Variants in COMMD1 observed in about 807,000 individuals in gnomAD.
COMMD1 encodes the protein COMM domain-containing protein 1.
A neutral mutation model predicts 17.2 loss-of-function variants in COMMD1; 10 were observed. The observed-to-expected ratio is 0.58, with a 90% CI of 0.36 to 0.99. COMMD1 has a LOEUF of 0.99. Among genes scored for constraint, COMMD1 ranks in the 50% least tolerant of loss-of-function variants. The pLI is 0.01. For synonymous variants in COMMD1, 97 were observed against 91.6 expected (o/e 1.06, Z -0.34); for missense variants, 270 against 231.8 (o/e 1.17, Z -1.07).
upstream of COMMD1, among the ~76,000 whole-genome samples, chr2:61,902,968 C>A (rs1219106254): frequency 6.6e-6 from 1 of 152,098 alleles, no homozygotes; most frequent in Non-Finnish European, 1.5e-5. Flanking sequence ...GCTTTTTCTG[C>A]TTGCCACCTT....
At chr2:62,012,258 A>AACACACACAC (rs1302194313) in intron 2 of COMMD1, among the ~76,000 whole-genome samples, 3 of 102,294 alleles carry the variant, frequency 2.9e-5, no homozygotes, top group African/African-American at 1.2e-4. Context: ...CCTTGTCTCA[A>AACACACACAC]ACACACACAC....
At chr2:62,054,409 G>T (rs181843773) in intron 2 of COMMD1, among the ~76,000 whole-genome samples, 20 of 152,304 alleles carry the variant, frequency 1.3e-4, no homozygotes, top group African/African-American at 4.6e-4. Context: ...GTTTATCACA[G>T]CACCATTCAT....
chr2:62,023,902 C>T (rs1371151543), intron 2 of COMMD1, among the ~76,000 whole-genome samples: 1 of 152,080 alleles, frequency 6.6e-6, no homozygotes, highest in Non-Finnish European at 1.5e-5. Flanking sequence ...CTATGGAATA[C>T]TCTACAGTCA....
At chr2:61,976,423 A>T (rs1427717160) in intron 1 of COMMD1, among the ~76,000 whole-genome samples, 1 of 152,214 alleles carries the variant, frequency 6.6e-6, no homozygotes, top group Non-Finnish European at 1.5e-5. Flanking sequence ...GGGATCAAAG[A>T]AGAGTATTAC....
intron 2 of COMMD1, among the ~76,000 whole-genome samples, chr2:62,032,916 A>G (rs1341417755): frequency 6.6e-6 from 1 of 152,092 alleles, no homozygotes; most frequent in Non-Finnish European, 1.5e-5. Context: ...GATTATAGGC[A>G]TGTGCCACCA....
At position 61,965,027 on chromosome 2, in the gene COMMD1, C is replaced by G. The variant is rs190796113; in HGVS notation, c.181-35674C>G. Among the ~76,000 whole-genome samples, 142 of 152,200 alleles carry G rather than the reference C, an allele frequency of 9.3e-4. 2 individuals are homozygous for G. The East Asian group carries it at 0.025, about 27-fold the overall frequency. On this transcript the variant is annotated intron_variant, in intron 1 of 2. Transcript: ENST00000311832. ...CTCCAGCCTGGGCAACAGAGCAAGA[C>G]TCCGTCTCAAAAAAAATTAAAAAAA...
chr2:62,039,830 G>C (rs1006793289), intron 2 of COMMD1, among the ~76,000 whole-genome samples: 4 of 152,124 alleles, frequency 2.6e-5, no homozygotes, highest in African/African-American at 4.8e-5. Flanking sequence ...GAATTCCATA[G>C]GAACTATGAA....
At chr2:61,932,570 A>G (rs1047237162) in intron 1 of COMMD1, among the ~76,000 whole-genome samples, 19 of 152,204 alleles carry the variant, frequency 1.2e-4, no homozygotes, top group Non-Finnish European at 2.2e-4. Context: ...TCCAGATTTC[A>G]TATGTTGGAA....
Position 61,962,715 on chromosome 2 carries a change from A to T in COMMD1, c.181-37986A>T, listed in dbSNP as rs144420688. ...ATCCCTGGTGAACAGTACTCTGTGT[A>T]TATTGTTATTGCACCTGTGTGATAG... On this transcript the variant is annotated intron_variant, in intron 1 of 2. Transcript: ENST00000311832. Among the ~76,000 whole-genome samples the T allele has an allele frequency of 3.8e-3, 578 of 152,138 alleles. 3 individuals carry two copies. The highest frequency in any genetic ancestry group is 0.037 in the Middle Eastern group (11 of 294).
intron 2 of COMMD1, among the ~76,000 whole-genome samples, chr2:62,094,974 A>G (rs1184021314): frequency 6.6e-6 from 1 of 152,184 alleles, no homozygotes; most frequent in African/African-American, 2.4e-5. Flanking sequence ...TGGATTGTTT[A>G]GAGATTATTG....
intron 2 of COMMD1, among the ~76,000 whole-genome samples, chr2:62,120,318 T>C (rs936434581): frequency 1.3e-5 from 2 of 151,660 alleles, no homozygotes; most frequent in Admixed American, 6.6e-5. Flanking sequence ...TTTTTTTTTT[T>C]CTTCAATTCC....
exon 1 of COMMD1, chr2:61,888,779 G>T: frequency 2.0e-6 from 1 of 500,328 alleles, no homozygotes; most frequent in South Asian, 2.6e-5. Flanking sequence ...CGCTGTGGGT[G>T]AAGAGCGCCG....
At chr2:62,006,137 T>C (rs551480645) in intron 2 of COMMD1, among the ~76,000 whole-genome samples, 5 of 133,706 alleles carry the variant, frequency 3.7e-5, no homozygotes, top group South Asian at 2.4e-4. Flanking sequence ...TAGGTGGGAA[T>C]TGAACAATGA....
intron 1 of COMMD1, among the ~76,000 whole-genome samples, chr2:61,979,270 G>A (rs1041338791): frequency 5.9e-5 from 9 of 151,888 alleles, no homozygotes; most frequent in Admixed American, 2.0e-4. Context: ...CGAGGTCAGG[G>A]GTTCGAGATC....
intron 1 of COMMD1, among the ~76,000 whole-genome samples, chr2:61,953,356 A>G (rs1158588972): frequency 2.2e-5 from 3 of 138,072 alleles, no homozygotes; most frequent in Non-Finnish European, 4.7e-5. Flanking sequence ...TTATGTAAGT[A>G]TTTCTTTTTC....
At chr2:62,114,925 G>A (rs1182355105) in intron 2 of COMMD1, among the ~76,000 whole-genome samples, 2 of 152,216 alleles carry the variant, frequency 1.3e-5, no homozygotes, top group Non-Finnish European at 2.9e-5. Context: ...TGCTAGGGGT[G>A]CAGTGAGTTA....
intron 2 of COMMD1, among the ~76,000 whole-genome samples, chr2:62,082,411 A>T (rs1252729192): frequency 2.0e-5 from 3 of 152,156 alleles, no homozygotes; most frequent in Non-Finnish European, 4.4e-5. Context: ...CTGCTGGAGG[A>T]CCTGGAGCCA....
intron 2 of COMMD1, among the ~76,000 whole-genome samples, chr2:62,084,609 A>G (rs1671609778): frequency 6.6e-6 from 1 of 152,132 alleles, no homozygotes; most frequent in African/African-American, 2.4e-5. Context: ...CTGTTTTATG[A>G]TTTCTGAAAA....
At chr2:62,093,375 A>C (rs1452433517) in intron 2 of COMMD1, among the ~76,000 whole-genome samples, 2 of 152,178 alleles carry the variant, frequency 1.3e-5, no homozygotes. Flanking sequence ...GGTTTCCAAA[A>C]GTATTGTTTT....
Sources: gnomAD v4.1 joint callset for allele counts (sites outside exome capture counted in the v4.1 genomes callset) on GRCh38, gnomAD v4.1.1 for gene constraint, MANE v1.5 for transcripts, NCBI Gene and HGNC (gene_info 2026-07-23, HGNC 2026-07-21) for gene names.